SNX31: variants seen among roughly 807,000 people sequenced by gnomAD.
SNX31 encodes sorting nexin 31.
SNX31 carries 58 observed loss-of-function variants against 65.4 expected under a neutral mutation model. The observed-to-expected ratio is 0.89, with a 90% confidence interval of 0.72 to 1.10. SNX31 has a LOEUF of 1.10. Ranked by LOEUF, SNX31 falls within the 50% of genes least tolerant of loss-of-function variation. SNX31 has a pLI of 0.00. For synonymous variants in SNX31, 181 were observed against 190.1 expected (o/e 0.95, Z 0.39); for missense variants, 523 against 529.7 (o/e 0.99, Z 0.12).
At chr8:100,584,748 C>CTTTTTTT (rs531595486) in intron 11 of SNX31, among the ~76,000 whole-genome samples, 21 of 135,430 alleles carry the variant, frequency 1.6e-4, no homozygotes, top group East Asian at 4.4e-4. Flanking sequence ...TTTTCTTTTT[C>CTTTTTTT]TTTTTTTTTT....
chr8:100,623,449 C>A (rs539058986), intron 4 of SNX31, among the ~76,000 whole-genome samples: 1 of 152,316 alleles, frequency 6.6e-6, no homozygotes, highest in East Asian at 1.9e-4. Flanking sequence ...GGAATTCTGA[C>A]TCACATTCAT....
At chr8:100,620,456 A>G (rs1817602091) in intron 4 of SNX31, among the ~76,000 whole-genome samples, 3 of 152,176 alleles carry the variant, frequency 2.0e-5, no homozygotes, top group Admixed American at 1.3e-4. Context: ...TTACATTTTA[A>G]TTCCTCCCCA....
chr8:100,658,076 G>A (rs1230817367), intron 1 of SNX31, among the ~76,000 whole-genome samples: 2 of 152,080 alleles, frequency 1.3e-5, no homozygotes, highest in African/African-American at 2.4e-5. Flanking sequence ...GCTGATGTCC[G>A]GGTCCCACCT....
chr8:100,591,993 G>A (rs1378431887), intron 10 of SNX31, among the ~76,000 whole-genome samples: 2 of 152,106 alleles, frequency 1.3e-5, no homozygotes, highest in African/African-American at 2.4e-5. Flanking sequence ...ATAGGAGGAG[G>A]AAAATATGAT....
intron 11 of SNX31, among the ~76,000 whole-genome samples, chr8:100,586,699 T>C (rs1301031944): frequency 6.6e-6 from 1 of 152,224 alleles, no homozygotes; most frequent in Non-Finnish European, 1.5e-5. Context: ...AATTTTGGTT[T>C]AGTACTTCAT....
At chr8:100,581,337 C>CTA (rs57664831) in intron 12 of SNX31, among the ~76,000 whole-genome samples, 1,369 of 125,432 alleles carry the variant, frequency 0.011, 18 homozygotes, top group South Asian at 0.02. Context: ...ATCTATCTAT[C>CTA]TATATATATA....
rs779391855 is a variant in SNX31, at chr8:100,608,504, A to G, written c.671T>C (p.Leu224Pro). ...LMDCRVAVDL[L>P]YMQAIQDIEK... ...CTTGGTGACCCTCACCTGCATGTAG[A>G]GCAAATCTACCGCCACCCTGCAGTC... The change falls in exon 8 of 14, where the codon CTC (leucine) becomes CCC (proline). Residue 224 changes from leucine (L) to proline (P), a missense_variant. Transcript: ENST00000311812. The G allele has an allele frequency of 6.2e-6, 10 of 1,614,064 alleles. No homozygotes were observed. The highest frequency in any genetic ancestry group is 2.2e-5 in the South Asian group (2 of 91,078).
chr8:100,638,649 C>T (rs1175589256), intron 2 of SNX31, among the ~76,000 whole-genome samples: 4 of 152,192 alleles, frequency 2.6e-5, no homozygotes, highest in South Asian at 2.1e-4. Flanking sequence ...AATATTACAA[C>T]CACTTTGAAA....
intron 2 of SNX31, among the ~76,000 whole-genome samples, chr8:100,645,388 A>T (rs1198665525): frequency 6.6e-6 from 1 of 152,174 alleles, no homozygotes; most frequent in Non-Finnish European, 1.5e-5. Flanking sequence ...AGAAATAAAA[A>T]CTAGCTGAGA....
rs879532495 is a variant in SNX31 at position 100,628,750 on chromosome 8, AT to A, written c.321+1576del. Among the ~76,000 whole-genome samples the A allele has an allele frequency of 2.0e-3, 306 of 152,020 alleles. 4 individuals are homozygous for A. Among genetic ancestry groups the A allele is most frequent in the Admixed American group, 0.018 (278 of 15,236 alleles). ...AAACTTAAAGTATAATAATAATAAA[AT>A]TTTTTTAAAAAAGCAAGTTGAAAAA... On this transcript the variant is annotated intron_variant, in intron 4 of 13. Coordinates refer to ENST00000311812, the MANE Select transcript of SNX31 (RefSeq NM_152628.4).
At chr8:100,602,692 G>A (rs1815753162) in intron 8 of SNX31, among the ~76,000 whole-genome samples, 1 of 152,172 alleles carries the variant, frequency 6.6e-6, no homozygotes, top group South Asian at 2.1e-4. Context: ...TACCAGGATG[G>A]TGATAACTGA....
chr8:100,632,805 C>T (rs921194972), intron 3 of SNX31, among the ~76,000 whole-genome samples: 2 of 152,062 alleles, frequency 1.3e-5, no homozygotes, highest in African/African-American at 4.8e-5. Flanking sequence ...CTATATTGCT[C>T]AGGTTGGTCT....
intron 8 of SNX31, among the ~76,000 whole-genome samples, chr8:100,605,101 G>A (rs1267764100): frequency 6.6e-6 from 1 of 152,096 alleles, no homozygotes; most frequent in Non-Finnish European, 1.5e-5. Context: ...GTTTCACCAT[G>A]TTAACCAGGC....
chr8:100,651,708 A>G (rs1054658119), upstream of SNX31, among the ~76,000 whole-genome samples: 1 of 152,228 alleles, frequency 6.6e-6, no homozygotes, highest in Non-Finnish European at 1.5e-5. Context: ...CAGCGATTGG[A>G]GGCGCTGCTC....
upstream of SNX31, among the ~76,000 whole-genome samples, chr8:100,651,343 T>C (rs1563592602): frequency 3.3e-5 from 5 of 152,170 alleles, no homozygotes; most frequent in Admixed American, 2.0e-4. Context: ...ACGGCAGCTC[T>C]GGAATCTGGT....
intron 5 of SNX31, among the ~76,000 whole-genome samples, chr8:100,615,158 G>A (rs147173478): frequency 6.6e-6 from 1 of 152,294 alleles, no homozygotes; most frequent in Non-Finnish European, 1.5e-5. Flanking sequence ...CTGATCTGAT[G>A]ATGTCAACGT....
chr8:100,630,219 C>T lies in SNX31; in HGVS notation c.321+108G>A, dbSNP rs1563568751. On this transcript the variant is annotated intron_variant, in intron 4 of 13. Coordinates refer to ENST00000311812, the MANE Select transcript of SNX31 (RefSeq NM_152628.4). The surrounding 1 kb of genome is among the most constrained non-coding windows in gnomAD (Gnocchi z 5.3). ...TGAATATATTTTGTCCAAGTCCAGG[C>T]TCTGTGGGGCTGTGACCAGTGCACA... is the stretch of plus-strand genomic sequence containing the variant. 1 of 962,780 alleles carries T rather than the reference C, an allele frequency of 1.0e-6. No individual in the cohort carries two copies. The highest frequency in any genetic ancestry group is 2.8e-5 in the East Asian group (1 of 35,866). 59.6% of individuals were successfully genotyped at this position (962,780 alleles called of 1,614,324 possible).
chr8:100,590,718 G>C (rs1050901986), intron 10 of SNX31, among the ~76,000 whole-genome samples: 1 of 152,116 alleles, frequency 6.6e-6, no homozygotes, highest in Non-Finnish European at 1.5e-5. Context: ...GGAGGTGAAG[G>C]TTGCAGTGAG....
chr8:100,656,591 A>G (rs906397453), intron 1 of SNX31, among the ~76,000 whole-genome samples: 5 of 142,868 alleles, frequency 3.5e-5, no homozygotes, highest in African/African-American at 1.3e-4. Flanking sequence ...CAGTGAGCCG[A>G]GATAACGCCA....
Sources: gnomAD v4.1 joint callset for allele counts (sites outside exome capture counted in the v4.1 genomes callset) on GRCh38, gnomAD v4.1.1 for gene constraint, Gnocchi (gnomAD v3.1) non-coding constraint, MANE v1.5 for transcripts, NCBI Gene and HGNC (gene_info 2026-07-23, HGNC 2026-07-21) for gene names.